The following FEZ2 variants were observed in gnomAD, a reference collection of about 807,000 sequenced individuals.
FEZ2 encodes the protein fasciculation and elongation protein zeta-2.
A neutral mutation model predicts 40.4 loss-of-function variants in FEZ2; 51 were observed. The ratio of observed to expected loss-of-function variants is 1.26; its 90% confidence interval spans 1.01 to 1.59. FEZ2 has a LOEUF of 1.59. FEZ2 is among the 40% of genes most tolerant of loss of function. The pLI is 0.00. For synonymous variants in FEZ2, 242 were observed against 172.0 expected (o/e 1.41, Z -3.18); for missense variants, 640 against 438.3 (o/e 1.46, Z -4.11).
At chr2:36,583,294 A>G in intron 3 of FEZ2, 59 bp downstream of exon 3, 1 of 854,510 alleles carries the variant, frequency 1.2e-6, no homozygotes, top group East Asian at 2.4e-5. Context: ...TCATAACAAG[A>G]AGCCGTTTTT....
intron 5 of FEZ2, among the ~76,000 whole-genome samples, chr2:36,575,818 G>A (rs1486525519): frequency 6.6e-6 from 1 of 151,902 alleles, no homozygotes; most frequent in Non-Finnish European, 1.5e-5. Context: ...TTGGACCAAA[G>A]AGAACAAGGT....
chr2:36,591,299 T>C (rs1669066294), intron 1 of FEZ2: 1 of 352,492 alleles, frequency 2.8e-6, no homozygotes, highest in East Asian at 5.7e-5. Context: ...GGCACTGTTC[T>C]AAGCAATTTA....
In FEZ2 at chr2:36,597,879, G is replaced by C. The variant is rs1185618079; in HGVS notation, c.264C>G (p.Asp88Glu). 3 of 1,365,614 alleles carry C rather than the reference G, an allele frequency of 2.2e-6. No homozygotes were observed. The African/African-American group carries it at 4.6e-5, about 21-fold the overall frequency. The allele number at this position is 1,365,614 out of a possible 1,614,324, so 84.6% of individuals were successfully genotyped here. A position where few individuals can be genotyped will look rare whatever the true frequency, so the allele number is the denominator to read the frequency against. The change falls in exon 1 of 8, where the codon GAC becomes GAG. Residue 88 changes from aspartate to glutamate, a missense_variant and splice_region_variant. By Grantham distance (45) the Asp-to-Glu change is conservative (BLOSUM62 2). Transcript: ENST00000405912. ...PITERSLLQGDEIWNALTDNY... is the reference protein window; with the variant it reads ...PITERSLLQGEEIWNALTDNY... ...CCCGGCCGGGGCCCCGCACTCACTC[G>C]TCCCCCTGCAGGAGGCTGCGCTCCG...
In FEZ2 at chr2:36,593,993, C is replaced by A. The variant is rs1458774404; in HGVS notation, c.267-2982G>T. 2.0e-5 allele frequency among the ~76,000 whole-genome samples: 3 copies of A among 152,092 alleles called. No homozygotes were observed. The South Asian group carries it at 6.2e-4, about 32-fold the overall frequency. ...AAATTTTTTCTGCCAGATACCCTAA[C>A]TCATCTCCCTCAAGTTCAAAGTTCC... On this transcript the variant is annotated intron_variant, in intron 1 of 7. Coordinates refer to ENST00000405912, the MANE Select transcript of FEZ2 (RefSeq NM_005102.3).
chr2:36,590,581 T>C (rs1669042039), intron 2 of FEZ2: 1 of 195,426 alleles, frequency 5.1e-6, no homozygotes, highest in Non-Finnish European at 1.0e-5. Flanking sequence ...GGTGGGAGAA[T>C]CGCTTGAACC....
chr2:36,598,038 C>A lies in FEZ2; in HGVS notation c.105G>T (p.Glu35Asp). ...CGCCCCCACCCGCCTCGGCCCCCGCCTCCGCCCCAGGCTCGGGGCTCGCGT... is the reference window on the plus strand; with the variant it reads ...CGCCCCCACCCGCCTCGGCCCCCGCATCCGCCCCAGGCTCGGGGCTCGCGT... ...NCNASPEPGA[E>D]AGAEAGGGAD... Residue 35 changes from glutamate (E) to aspartate (D), a missense_variant, in exon 1 of 8, where the codon GAG (glutamate) becomes GAT (aspartate). Transcript: ENST00000405912. 3 of 1,501,666 alleles carry A rather than the reference C, an allele frequency of 2.0e-6. No homozygotes were observed. Among genetic ancestry groups the A allele is most frequent in the Non-Finnish European group, 2.7e-6 (3 of 1,130,194 alleles). 93.0% of individuals were successfully genotyped at this position (1,501,666 alleles called of 1,614,324 possible).
rs796734116 is a variant in FEZ2, at chr2:36,578,835, T to C, written c.665A>G (p.Asn222Ser). The C allele has an allele frequency of 2.5e-6, 4 of 1,613,132 alleles. No homozygotes were observed. Among genetic ancestry groups the C allele is most frequent in the Non-Finnish European group, 3.4e-6 (4 of 1,179,660 alleles). ...RVKRLSVSEL[N>S]EILEEIETAI... is the part of the protein sequence containing the mutation. ...AGTCTCAATTTCTTCCAGGATTTCATTTAACTCAGACACTGAGAGCCTTTT... is the reference window on the plus strand; with the variant it reads ...AGTCTCAATTTCTTCCAGGATTTCACTTAACTCAGACACTGAGAGCCTTTT... The change falls in exon 5 of 8, where the codon AAT becomes AGT. Residue 222 changes from asparagine (N) to serine (S), a missense_variant. Physicochemically the swap from Asn to Ser is conservative, Grantham distance 46. Transcript: ENST00000405912.
chr2:36,581,252 A>G, intron 4 of FEZ2, 38 bp downstream of exon 4: 1 of 1,595,176 alleles, frequency 6.3e-7, no homozygotes, highest in Non-Finnish European at 8.6e-7. Context: ...ATACAGACAA[A>G]AAGCACAGAA....
At chr2:36,574,881 C>T (rs544032846) in intron 5 of FEZ2, among the ~76,000 whole-genome samples, 41 of 152,298 alleles carry the variant, frequency 2.7e-4, no homozygotes, top group African/African-American at 9.4e-4. Context: ...GCCTGCCACT[C>T]TCTTGAGTTG....
At chr2:36,558,844 T>C (rs1257037900) in intron 5 of FEZ2, 1 of 173,954 alleles carries the variant, frequency 5.7e-6, no homozygotes, top group Admixed American at 6.2e-5. Context: ...TCTCACATTC[T>C]ACTTGCATAT....
intron 4 of FEZ2, 32 bp from the exon 5 acceptor site, chr2:36,578,897 A>G (rs1337211661): frequency 6.3e-7 from 1 of 1,580,968 alleles, no homozygotes; most frequent in Non-Finnish European, 8.6e-7. Flanking sequence ...AGCAGATATT[A>G]AGACAAAAAC....
chr2:36,552,491 A>C lies in FEZ2; in HGVS notation c.*672T>G. 1 of 249,410 alleles carries C rather than the reference A, an allele frequency of 4.0e-6. No individual in the cohort carries two copies. The highest frequency in any genetic ancestry group is 8.0e-6 in the Non-Finnish European group (1 of 125,476). The allele number at this position is 249,410 out of a possible 1,614,324, so 15.4% of individuals were successfully genotyped here. On this transcript the variant is annotated 3_prime_UTR_variant, in exon 8 of 8. Transcript: ENST00000405912. Reference sequence around the variant, plus strand: ...AGTACAATTCTTCACAGACACATGAAGCAGAACATTTGAAAATCAAAACTT... The same window carrying C: ...AGTACAATTCTTCACAGACACATGACGCAGAACATTTGAAAATCAAAACTT...
chr2:36,562,512 C>CCTAAA (rs1380346846), intron 5 of FEZ2, among the ~76,000 whole-genome samples: 4 of 152,190 alleles, frequency 2.6e-5, no homozygotes, highest in Non-Finnish European at 5.9e-5. Context: ...CATCCAACTT[C>CCTAAA]CCTACCTAGC....
At chr2:36,566,817 C>T (rs907117617) in intron 5 of FEZ2, among the ~76,000 whole-genome samples, 1 of 152,214 alleles carries the variant, frequency 6.6e-6, no homozygotes, top group Non-Finnish European at 1.5e-5. Flanking sequence ...GTTACCTCAC[C>T]TGTAAAACAG....
At chr2:36,578,979 G>C (rs1668658677) in intron 4 of FEZ2, 114 bp from the exon 5 acceptor site, 4 of 821,124 alleles carry the variant, frequency 4.9e-6, no homozygotes, top group Non-Finnish European at 7.8e-6. Context: ...ATGCCAAAGA[G>C]CAAAAATCAT....
At chr2:36,571,073 CAA>C (rs1326823201) in intron 5 of FEZ2, among the ~76,000 whole-genome samples, 1 of 152,200 alleles carries the variant, frequency 6.6e-6, no homozygotes, top group East Asian at 1.9e-4. Context: ...TTGCAGAAAA[CAA>C]AGTGTAGATG....
In FEZ2 at chr2:36,598,143, C is replaced by T. The variant is rs1219990658; in HGVS notation, c.-1G>A. On this transcript the variant is annotated 5_prime_UTR_variant, in exon 1 of 8. Transcript: ENST00000405912. ...CCTGCCAGTCCCCGTCCGCCGCCAT[C>T]GCCGCCCGGAGCAGTCGCGCGCCCC... The T allele has an allele frequency of 2.0e-6, 3 of 1,473,542 alleles. No homozygotes were observed. Among genetic ancestry groups the T allele is most frequent in the East Asian group, 6.0e-5 (2 of 33,300 alleles). The allele number at this position is 1,473,542 out of a possible 1,614,324, so 91.3% of individuals were successfully genotyped here.
rs149191810 is a variant in FEZ2 at position 36,595,864 on chromosome 2, A to G, written c.266+2013T>C. Among the ~76,000 whole-genome samples, 757 of 152,336 alleles carry G rather than the reference A, an allele frequency of 5.0e-3. 5 individuals carry two copies. Among genetic ancestry groups the G allele is most frequent in the African/African-American group, 0.017 (724 of 41,564 alleles). On this transcript the variant is annotated intron_variant, in intron 1 of 7. Coordinates refer to ENST00000405912, the MANE Select transcript of FEZ2 (RefSeq NM_005102.3). Reference sequence around the variant, plus strand: ...AAATACCATTAACAAGAGCGACAAAATATTTTTAAGCAAAGGCTAAAATAA... The same window carrying G: ...AAATACCATTAACAAGAGCGACAAAGTATTTTTAAGCAAAGGCTAAAATAA...
At chr2:36,597,723 C>G (rs1170181506) in intron 1 of FEZ2, among the ~76,000 whole-genome samples, 154 bp downstream of exon 1, 1 of 152,292 alleles carries the variant, frequency 6.6e-6, no homozygotes, top group Middle Eastern at 3.4e-3. Context: ...CTGGGCGAGC[C>G]GAGGCCGACG....
Sources: gnomAD v4.1 joint callset for allele counts (sites outside exome capture counted in the v4.1 genomes callset) on GRCh38, gnomAD v4.1.1 for gene constraint, MANE v1.5 for transcripts, NCBI Gene and HGNC (gene_info 2026-07-23, HGNC 2026-07-21) for gene names.